The following EPC1 variants were observed in gnomAD, a reference collection of about 807,000 sequenced individuals.
EPC1 encodes enhancer of polycomb homolog 1.
EPC1 carries 12 observed loss-of-function variants against 98.4 expected under a neutral mutation model. The observed-to-expected ratio is 0.12, with a 90% confidence interval of 0.08 to 0.20. EPC1 has a LOEUF of 0.20. EPC1 is among the 10% of genes least tolerant of loss of function. EPC1 has a pLI of 1.00. For missense variants in EPC1, 729 were observed against 990.5 expected (o/e 0.74, Z 3.54); for synonymous variants, 357 against 363.9 (o/e 0.98, Z 0.21).
At chr10:32,297,282 C>CT (rs555311885) in intron 2 of EPC1, among the ~76,000 whole-genome samples, 72,103 of 135,374 alleles carry the variant, frequency 0.53, 20,856 homozygotes, top group East Asian at 0.66. Context: ...GTTAATAATT[C>CT]TTTTTTTTTT....
chr10:32,312,976 C>G (rs1836337664), intron 1 of EPC1, among the ~76,000 whole-genome samples: 2 of 152,028 alleles, frequency 1.3e-5, no homozygotes, highest in South Asian at 4.1e-4. Flanking sequence ...CAATGATATT[C>G]CAAGCTGTTT....
At chr10:32,331,609 A>C (rs1162198205) in intron 1 of EPC1, among the ~76,000 whole-genome samples, 1 of 152,150 alleles carries the variant, frequency 6.6e-6, no homozygotes, top group Non-Finnish European at 1.5e-5. Flanking sequence ...TAGAGATAAC[A>C]TATAAACTAT....
chr10:32,337,265 G>T (rs532019477), intron 1 of EPC1, among the ~76,000 whole-genome samples: 7 of 152,150 alleles, frequency 4.6e-5, no homozygotes, highest in African/African-American at 1.7e-4. Context: ...TACTTGATAC[G>T]CTGTGTATTG....
chr10:32,364,001 C>T (rs1281671875), intron 1 of EPC1, among the ~76,000 whole-genome samples: 12 of 61,858 alleles, frequency 1.9e-4, no homozygotes, highest in African/African-American at 6.9e-4. Context: ...ATCATGTTGG[C>T]ATTTTTTTTT....
intron 1 of EPC1, among the ~76,000 whole-genome samples, chr10:32,361,547 T>G (rs2133102921): frequency 6.6e-6 from 1 of 152,358 alleles, no homozygotes; most frequent in African/African-American, 2.4e-5. Flanking sequence ...TTCTCTTTTC[T>G]GCATTTTCCC....
At chr10:32,327,213 C>G (rs1837348354) in intron 1 of EPC1, among the ~76,000 whole-genome samples, 1 of 152,102 alleles carries the variant, frequency 6.6e-6, no homozygotes, top group African/African-American at 2.4e-5. Context: ...ATAAATATCA[C>G]ATGATCTCAT....
Position 32,356,743 on chromosome 10 carries a change from G to A in EPC1, c.3+21748C>T, listed in dbSNP as rs544546873. On this transcript the variant is annotated intron_variant, in intron 1 of 13. Coordinates refer to the EPC1 transcript ENST00000375110. ...CTCACGCCTGTAATCCCAGCACTTT[G>A]GGAGGCCGAGGCGGGCGGATCACGG... is the stretch of plus-strand genomic sequence containing the variant. 3.3e-5 allele frequency among the ~76,000 whole-genome samples: 5 copies of A among 152,274 alleles called. No homozygotes were observed. In the East Asian group the frequency reaches 9.7e-4, roughly 29 times the overall value.
chr10:32,347,343 TC>T (rs1838918256), upstream of EPC1: 1 of 344,914 alleles, frequency 2.9e-6, no homozygotes, highest in African/African-American at 2.2e-5. Flanking sequence ...CCTTCGCGGG[TC>T]CGGGGGCGGA....
At chr10:32,339,853 G>C (rs988039173) in intron 1 of EPC1, among the ~76,000 whole-genome samples, 1 of 152,172 alleles carries the variant, frequency 6.6e-6, no homozygotes, top group Non-Finnish European at 1.5e-5. Flanking sequence ...TTTCAGTGAC[G>C]TTAAGTGACT....
rs1456778049 is a variant in EPC1 at position 32,267,770 on chromosome 10, T to C, written c.*1293A>G. 1 of 152,224 alleles carries C rather than the reference T, an allele frequency of 6.6e-6. No individual in the cohort carries two copies. The highest frequency in any genetic ancestry group is 1.5e-5 in the Non-Finnish European group (1 of 68,040). The allele number at this position is 152,224 out of a possible 1,614,324, so 9.4% of individuals were successfully genotyped here. On this transcript the variant is annotated 3_prime_UTR_variant, in exon 14 of 14. Coordinates refer to ENST00000319778, the MANE Select transcript of EPC1 (RefSeq NM_001272004.3). ...TACACATTAGTTTGTCAACATGTAATGCCCTGGGTTTATTTTGTGAGAATT... is the reference window on the plus strand; with the variant it reads ...TACACATTAGTTTGTCAACATGTAACGCCCTGGGTTTATTTTGTGAGAATT...
chr10:32,311,145 C>A (rs1172925328), intron 1 of EPC1, among the ~76,000 whole-genome samples: 2 of 151,772 alleles, frequency 1.3e-5, no homozygotes, highest in Non-Finnish European at 2.9e-5. Context: ...CCTGTCTCTA[C>A]TAAAAATACA....
chr10:32,355,607 C>CTTTTTTTTTTTTTTTTTTTTTTTTT (rs542748610), intron 1 of EPC1, among the ~76,000 whole-genome samples: 1 of 72,848 alleles, frequency 1.4e-5, no homozygotes. Context: ...GTGCCTTACC[C>CTTTTTTTTTTTTTTTTTTTTTTTTT]TTTTTTTTTT....
rs55988267 is a variant in EPC1 at position 32,305,501 on chromosome 10, G to GT, written c.313+270dup. ...GGAAGAAAACTATTTCTATATCTGAGTTTTTTTTTTTTTTTCTTATCCTTC... is the reference window on the plus strand; with the variant it reads ...GGAAGAAAACTATTTCTATATCTGAGTTTTTTTTTTTTTTTTCTTATCCTTC... On this transcript the variant is annotated intron_variant, in intron 2 of 13. Coordinates refer to ENST00000319778, the MANE Select transcript of EPC1 (RefSeq NM_001272004.3). Among the ~76,000 whole-genome samples the GT allele has an allele frequency of 9.4e-3, 1,382 of 146,786 alleles. 11 individuals carry two copies. The highest frequency in any genetic ancestry group is 0.018 in the Middle Eastern group (5 of 284).
In EPC1 at chr10:32,280,471, T is replaced by G. The variant is rs1836351181; in HGVS notation, c.1744+4227A>C. ...ATCTCAAAAAAAAGGCCAGGCACGG[T>G]GGCTCACGCCTGTAATCCCAGCATA... On this transcript the variant is annotated intron_variant, in intron 10 of 13. Transcript: ENST00000319778. Among the ~76,000 whole-genome samples, 3 of 146,784 alleles carry G rather than the reference T, an allele frequency of 2.0e-5. No homozygotes were observed. The Admixed American group carries it at 2.1e-4, about 10-fold the overall frequency.
At chr10:32,322,142 C>T (rs867669563) in intron 1 of EPC1, among the ~76,000 whole-genome samples, 36 of 150,372 alleles carry the variant, frequency 2.4e-4, no homozygotes, top group South Asian at 2.1e-4. Context: ...ACAGATGCTT[C>T]CCTATGCCAT....
At chr10:32,289,940 A>C (rs1035602062) in intron 6 of EPC1, among the ~76,000 whole-genome samples, 2 of 152,040 alleles carry the variant, frequency 1.3e-5, no homozygotes, top group Admixed American at 1.3e-4. Context: ...AATTTCATAC[A>C]AAAAATGCAT....
chr10:32,352,305 C>T (rs1839138025), intron 1 of EPC1, among the ~76,000 whole-genome samples: 1 of 151,928 alleles, frequency 6.6e-6, no homozygotes, highest in South Asian at 2.1e-4. Context: ...CCTCAGCCTC[C>T]CAAAGTGCTG....
chr10:32,299,737 A>G (rs955675101), intron 2 of EPC1, among the ~76,000 whole-genome samples: 1 of 152,094 alleles, frequency 6.6e-6, no homozygotes, highest in Non-Finnish European at 1.5e-5. Context: ...AGTAATGACA[A>G]TTTTGATCAC....
chr10:32,346,903 A>G lies in EPC1; in HGVS notation c.13T>C (p.Ser5Pro). The change falls in exon 1 of 14, where the codon TCG (serine) becomes CCG (proline). Residue 5 changes from serine (S) to proline (P), a missense_variant. Around this residue, in one of 6 missense-constraint regions of EPC1, gnomAD observed 46 missense variants for 119.7 expected, o/e 0.38. Transcript: ENST00000319778. MSKL[S>P]FRARALDASK... ...GCGTCTAGCGCCCGCGCCCGAAACG[A>G]CAGTTTACTCATCTCAGGCGCAGCA... 6.2e-7 allele frequency: 1 copy of G among 1,613,908 alleles called. No homozygotes were observed. The highest frequency in any genetic ancestry group is 8.5e-7 in the Non-Finnish European group (1 of 1,179,992).
Sources: allele counts gnomAD v4.1 joint callset (sites outside exome capture counted in the v4.1 genomes callset), GRCh38; gene constraint gnomAD v4.1.1; regional missense constraint gnomAD v4.1.1; transcripts MANE v1.5; gene names NCBI Gene and HGNC (gene_info 2026-07-23, HGNC 2026-07-21).